Variants in AGBL3 observed in about 807,000 individuals in gnomAD.
AGBL3 encodes AGBL carboxypeptidase 3.
In AGBL3, 68 loss-of-function variants were observed where a neutral mutation model predicts 94.5. The observed-to-expected ratio is 0.72, with a 90% CI of 0.59 to 0.88. The LOEUF is 0.88. AGBL3 is among the 40% of genes least tolerant of loss of function. AGBL3 has a pLI of 0.00. For synonymous variants in AGBL3, 354 were observed against 370.7 expected, an observed-to-expected ratio of 0.95 and a Z score of 0.52; for missense variants, 934 against 1,103.8, an observed-to-expected ratio of 0.85 and a Z score of 2.18.
intron 5 of AGBL3, among the ~76,000 whole-genome samples, chr7:135,020,220 A>AAAAAC (rs1554495819): frequency 4.0e-5 from 6 of 151,414 alleles, no homozygotes; most frequent in Non-Finnish European, 8.9e-5. Context: ...TTACAAGAAA[A>AAAAAC]AAACAACCCC....
At chr7:135,036,233 C>G (rs1460792396) in intron 7 of AGBL3, among the ~76,000 whole-genome samples, 1 of 152,036 alleles carries the variant, frequency 6.6e-6, no homozygotes, top group African/African-American at 2.4e-5. Flanking sequence ...CGCTTTCTTA[C>G]TTTTTAAAGC....
chr7:134,992,694 CCAAA>C (rs1276904309), intron 3 of AGBL3, among the ~76,000 whole-genome samples: 1 of 152,076 alleles, frequency 6.6e-6, no homozygotes, highest in Non-Finnish European at 1.5e-5. Context: ...GCTGCCTTGC[CCAAA>C]CAAAGTCATA....
chr7:135,010,748 C>T (rs1352841830), intron 4 of AGBL3: 3 of 152,018 alleles, frequency 2.0e-5, no homozygotes, highest in African/African-American at 7.2e-5. Flanking sequence ...AATTAAAAAC[C>T]ACATGCCTAG....
At chr7:134,991,075 G>T (rs1392699367) in intron 3 of AGBL3, among the ~76,000 whole-genome samples, 1 of 152,010 alleles carries the variant, frequency 6.6e-6, no homozygotes, top group Non-Finnish European at 1.5e-5. Flanking sequence ...GTGTAGTTCA[G>T]GGGTTTTGAG....
At chr7:134,997,340 G>T (rs1415880712) in intron 4 of AGBL3, among the ~76,000 whole-genome samples, 5 of 152,094 alleles carry the variant, frequency 3.3e-5, no homozygotes, top group Admixed American at 1.3e-4. Context: ...ATGGCCTCAG[G>T]GTTGGGGACA....
At chr7:135,052,882 G>A (rs1818004809) in intron 11 of AGBL3, among the ~76,000 whole-genome samples, 1 of 152,102 alleles carries the variant, frequency 6.6e-6, no homozygotes, top group African/African-American at 2.4e-5. Flanking sequence ...TGATTTCCTA[G>A]CACCAATCAA....
intron 12 of AGBL3, among the ~76,000 whole-genome samples, chr7:135,060,044 G>A (rs1203550045): frequency 6.6e-6 from 1 of 152,156 alleles, no homozygotes; most frequent in Non-Finnish European, 1.5e-5. Context: ...GCTTGGGCTA[G>A]AGAATACCCA....
At chr7:135,071,290 A>T (rs1397527552) in intron 12 of AGBL3, among the ~76,000 whole-genome samples, 1 of 151,950 alleles carries the variant, frequency 6.6e-6, no homozygotes, top group Non-Finnish European at 1.5e-5. Context: ...AAAATGGTAA[A>T]TTTTCACCAT....
In AGBL3 at chr7:135,037,533, C is replaced by T. The variant is rs1391952056; in HGVS notation, c.1453C>T (p.Gln485Ter). 1.3e-6 allele frequency: 2 copies of T among 1,545,302 alleles called. No individual in the cohort carries two copies. Among genetic ancestry groups the T allele is most frequent in the Non-Finnish European group, 1.7e-6 (2 of 1,144,030 alleles). The change falls in exon 8 of 17, where the codon CAG becomes TAG. Residue 485 changes from glutamine to a stop codon, truncating the protein, a stop_gained. Coordinates refer to ENST00000436302, the MANE Select transcript of AGBL3 (RefSeq NM_178563.4). LOFTEE classifies it high-confidence loss of function. ...TGACAGATCTAAGACATTATACTTA[C>T]AGCAACGAATCTTCCCACTTATGCT... ...GSDRSKTLYLQQRIFPLMLSK... is the reference protein window; with the variant it reads ...GSDRSKTLYL
intron 16 of AGBL3, among the ~76,000 whole-genome samples, chr7:135,119,239 T>G (rs1826771742): frequency 6.6e-6 from 1 of 152,020 alleles, no homozygotes; most frequent in South Asian, 2.1e-4. Context: ...TTTAAATTTT[T>G]TTTTTTTTGA....
chr7:135,079,945 T>C (rs750133281), intron 13 of AGBL3, among the ~76,000 whole-genome samples: 1 of 152,142 alleles, frequency 6.6e-6, no homozygotes, highest in Non-Finnish European at 1.5e-5. Context: ...CTATGTGATG[T>C]GGAAAATTTT....
Position 135,104,777 on chromosome 7 carries a change from G to GT in AGBL3, c.2111-10592dup, listed in dbSNP as rs199595037. The stretch of plus-strand genomic sequence containing the variant: ...GCCCACTTTTTAATGGGGCTGTTTG[G>GT]TTTTTTTTTTTCTTGTACATTTGTT... On this transcript the variant is annotated intron_variant, in intron 15 of 16. Transcript: ENST00000436302. Among the ~76,000 whole-genome samples, 327 of 145,162 alleles carry GT rather than the reference G, an allele frequency of 2.3e-3. 1 individual carries two copies. Among genetic ancestry groups the GT allele is most frequent in the African/African-American group, 5.0e-3 (199 of 39,804 alleles).
chr7:135,025,977 G>A (rs1815048820), intron 5 of AGBL3, among the ~76,000 whole-genome samples: 1 of 151,572 alleles, frequency 6.6e-6, no homozygotes, highest in Non-Finnish European at 1.5e-5. Flanking sequence ...AACAGTAGGA[G>A]ACTTTAACAC....
At chr7:135,035,044 T>C (rs1470878739) in intron 7 of AGBL3, 116 bp downstream of exon 7, 1 of 926,098 alleles carries the variant, frequency 1.1e-6, no homozygotes. Context: ...AACTACTGTA[T>C]AACTACTTTA....
chr7:135,037,364 T>C, intron 7 of AGBL3, 54 bp from the exon 8 acceptor site: 3 of 1,441,650 alleles, frequency 2.1e-6, no homozygotes, highest in Non-Finnish European at 2.8e-6. Flanking sequence ...TAGTTGTACC[T>C]ATAGAAGAAA....
intron 15 of AGBL3, among the ~76,000 whole-genome samples, chr7:135,107,120 C>T (rs1824844474): frequency 6.7e-6 from 1 of 150,318 alleles, no homozygotes; most frequent in Non-Finnish European, 1.5e-5. Flanking sequence ...ATTAGTCTAG[C>T]TACCAACCTA....
intron 4 of AGBL3, among the ~76,000 whole-genome samples, chr7:135,000,385 C>G (rs1284738324): frequency 6.6e-6 from 1 of 152,150 alleles, no homozygotes; most frequent in East Asian, 1.9e-4. Context: ...GGGGCATCAT[C>G]CAATCTATTG....
At chr7:135,090,003 T>C (rs1374756052) in intron 15 of AGBL3, among the ~76,000 whole-genome samples, 1 of 152,174 alleles carries the variant, frequency 6.6e-6, no homozygotes, top group Non-Finnish European at 1.5e-5. Flanking sequence ...GGCCAGGTTG[T>C]AGCTGTAATT....
At chr7:134,989,221 A>T (rs1809893679) in intron 2 of AGBL3, 29 bp from the exon 3 acceptor site, 12 of 1,501,110 alleles carry the variant, frequency 8.0e-6, no homozygotes, top group Non-Finnish European at 1.1e-5. Context: ...GGTTTTTAAA[A>T]GAGAAATATT....
Sources: allele counts gnomAD v4.1 joint callset (sites outside exome capture counted in the v4.1 genomes callset), GRCh38; gene constraint gnomAD v4.1.1; transcripts MANE v1.5; gene names NCBI Gene and HGNC (gene_info 2026-07-23, HGNC 2026-07-21).